STON2: variants seen among roughly 807,000 people sequenced by gnomAD.
The protein encoded by STON2 is stonin-2.
STON2 carries 29 observed loss-of-function variants against 65.7 expected under a neutral mutation model. The observed-to-expected ratio is 0.44, with a 90% CI of 0.33 to 0.60. The LOEUF (loss-of-function observed/expected upper bound fraction) is 0.60, where lower values mean the gene tolerates loss of function less well. Among genes scored for constraint, STON2 ranks in the 20% least tolerant of loss-of-function variants. The probability of loss-of-function intolerance (pLI) is 0.03; values close to 1 mark genes in which losing one functional copy is unlikely to be tolerated. For missense variants in STON2, 1,054 were observed against 1,118.1 expected, an observed-to-expected ratio of 0.94 and a Z score of 0.82; for synonymous variants, 404 against 414.2, an observed-to-expected ratio of 0.98 and a Z score of 0.30.
At chr14:81,276,152 C>G (rs1457011499) in intron 6 of STON2, among the ~76,000 whole-genome samples, 1 of 152,238 alleles carries the variant, frequency 6.6e-6, no homozygotes, top group East Asian at 1.9e-4. Flanking sequence ...TGTCATTTCA[C>G]TAAATCTCAC....
At chr14:81,308,824 A>ATATATG (rs1479394128) in intron 5 of STON2, among the ~76,000 whole-genome samples, 2 of 10,466 alleles carry the variant, frequency 1.9e-4, no homozygotes, top group Non-Finnish European at 1.8e-4. Context: ...ATATATATAT[A>ATATATG]TGTGTGTGTG....
chr14:81,323,890 G>A (rs764081863), intron 5 of STON2, among the ~76,000 whole-genome samples, 127 bp downstream of exon 5: 3 of 152,016 alleles, frequency 2.0e-5, no homozygotes, highest in Non-Finnish European at 4.4e-5. Flanking sequence ...GGGGACCACC[G>A]AGAACTAACC....
intron 2 of STON2, among the ~76,000 whole-genome samples, chr14:81,426,015 T>A (rs1901954959): frequency 2.0e-5 from 3 of 152,206 alleles, no homozygotes. Flanking sequence ...TTTAACAAAT[T>A]TACATGAACG....
intron 2 of STON2, among the ~76,000 whole-genome samples, chr14:81,411,664 G>C (rs926339519): frequency 6.6e-6 from 1 of 152,238 alleles, no homozygotes. Flanking sequence ...CCAAGATCAC[G>C]CTATTGCACT....
chr14:81,337,987 G>A (rs1278624616), intron 4 of STON2, among the ~76,000 whole-genome samples: 1 of 152,134 alleles, frequency 6.6e-6, no homozygotes, highest in East Asian at 1.9e-4. Context: ...AGAAAAACAT[G>A]TTTGGTTTCT....
At chr14:81,270,486 C>G (rs1289745740) in intron 7 of STON2, 184 bp downstream of exon 7, 2 of 1,505,704 alleles carry the variant, frequency 1.3e-6, no homozygotes, top group East Asian at 4.6e-5. Flanking sequence ...CTCTCATCCA[C>G]TAGCCAGATT....
At chr14:81,340,725 A>G (rs77454678) in intron 4 of STON2, among the ~76,000 whole-genome samples, 11,146 of 152,150 alleles carry the variant, frequency 0.073, 609 homozygotes, top group African/African-American at 0.16. Flanking sequence ...CACTGCACAC[A>G]GACACCAACT....
chr14:81,261,449 CA>C lies in STON2; in HGVS notation c.*6964del, dbSNP rs11304456. 0.12 allele frequency: 21,104 copies of C among 173,814 alleles called. 1,478 individuals are homozygous for C. Among genetic ancestry groups the C allele is most frequent in the African/African-American group, 0.19 (8,084 of 42,436 alleles). The allele number at this position is 173,814 out of a possible 1,614,324, so 10.8% of individuals were successfully genotyped here. On this transcript the variant is annotated 3_prime_UTR_variant, in exon 8 of 8. Coordinates refer to ENST00000614646, the MANE Select transcript of STON2 (RefSeq NM_001394390.1). ...AGAAAAGAAACTAAAATTACACACT[CA>C]AACATACCATGAAAGAGATGCTATT...
In STON2 at chr14:81,262,665, C is replaced by T. The variant is rs1894196000; in HGVS notation, c.*5749G>A. ...AACTCATTACTGTGGATAGTTTCTG[C>T]CTTTACAGGCTTAGAATTGACAAAT... On this transcript the variant is annotated 3_prime_UTR_variant, in exon 8 of 8. Coordinates refer to ENST00000614646, the MANE Select transcript of STON2 (RefSeq NM_001394390.1). The T allele has an allele frequency of 1.0e-6, 1 of 985,310 alleles. No individual in the cohort carries two copies. The highest frequency in any genetic ancestry group is 1.7e-5 in the African/African-American group (1 of 57,240). The allele number at this position is 985,310 out of a possible 1,614,324, so 61.0% of individuals were successfully genotyped here. A position where few individuals can be genotyped will look rare whatever the true frequency, so the allele number is the denominator to read the frequency against.
intron 4 of STON2, among the ~76,000 whole-genome samples, chr14:81,341,746 T>C (rs2140294472): frequency 6.6e-6 from 1 of 152,326 alleles, no homozygotes. Flanking sequence ...ATACTATATT[T>C]TAAACAGGTG....
At chr14:81,410,444 C>T (rs1009085229) in intron 2 of STON2, among the ~76,000 whole-genome samples, 2 of 152,044 alleles carry the variant, frequency 1.3e-5, no homozygotes, top group Non-Finnish European at 2.9e-5. Flanking sequence ...ACTCAATTGA[C>T]CTTAAGACAG....
chr14:81,415,500 A>G (rs1378815912), intron 2 of STON2, among the ~76,000 whole-genome samples: 1 of 151,928 alleles, frequency 6.6e-6, no homozygotes. Context: ...TGTTAGGGAT[A>G]TAACACTAAA....
At chr14:81,339,513 C>A (rs1897509540) in intron 4 of STON2, among the ~76,000 whole-genome samples, 1 of 152,144 alleles carries the variant, frequency 6.6e-6, no homozygotes. Context: ...ATTCCCAAGG[C>A]CCTGAGTAGT....
At chr14:81,357,603 ATGTTTATT>A (rs1289723418) in intron 4 of STON2, among the ~76,000 whole-genome samples, 1 of 152,066 alleles carries the variant, frequency 6.6e-6, no homozygotes, top group African/African-American at 2.4e-5. Context: ...ATGCACACGT[ATGTTTATT>A]GTGGCACTAT....
At chr14:81,313,028 C>A (rs892196233) in intron 5 of STON2, among the ~76,000 whole-genome samples, 5 of 152,222 alleles carry the variant, frequency 3.3e-5, no homozygotes, top group African/African-American at 4.8e-5. Context: ...CATTGTCCTC[C>A]TTGTACTCCT....
chr14:81,392,320 TG>T (rs1457225282), intron 3 of STON2, among the ~76,000 whole-genome samples: 2 of 152,168 alleles, frequency 1.3e-5, no homozygotes, highest in African/African-American at 4.8e-5. Flanking sequence ...TCTTCCTGTG[TG>T]GAACCTGGGA....
intron 5 of STON2, among the ~76,000 whole-genome samples, chr14:81,318,077 T>C (rs924067643): frequency 5.9e-5 from 9 of 152,174 alleles, no homozygotes; most frequent in Admixed American, 4.6e-4. Context: ...GCGAGTCTCC[T>C]GCCTCAGCCT....
At chr14:81,356,748 T>C (rs1161315516) in intron 4 of STON2, among the ~76,000 whole-genome samples, 1 of 152,060 alleles carries the variant, frequency 6.6e-6, no homozygotes. Context: ...AGAGTGTATG[T>C]GTTGAGGAAT....
rs993937618 is a variant in STON2 at position 81,264,460 on chromosome 14, C to T, written c.*3954G>A. On this transcript the variant is annotated 3_prime_UTR_variant, in exon 8 of 8. Coordinates refer to ENST00000614646, the MANE Select transcript of STON2 (RefSeq NM_001394390.1). ...CATTTTCCTTTATTTCATGAGTATA[C>T]GTTTGCCCTCCTGGCAAGCATTTAA... The T allele has an allele frequency of 4.5e-5, 44 of 985,370 alleles. No individual in the cohort carries two copies. Among genetic ancestry groups the T allele is most frequent in the African/African-American group, 1.0e-4 (6 of 57,336 alleles). 61.0% of individuals were successfully genotyped at this position (985,370 alleles called of 1,614,324 possible). A position where few individuals can be genotyped will look rare whatever the true frequency, so the allele number is the denominator to read the frequency against.
Sources: allele counts gnomAD v4.1 joint callset (sites outside exome capture counted in the v4.1 genomes callset), GRCh38; gene constraint gnomAD v4.1.1; transcripts MANE v1.5; gene names NCBI Gene and HGNC (gene_info 2026-07-23, HGNC 2026-07-21).